Variants in OSBPL10 observed in about 807,000 individuals in gnomAD.
OSBPL10 encodes oxysterol binding protein like 10.
OSBPL10 carries 49 observed loss-of-function variants against 81.7 expected under a neutral mutation model. That is an observed-to-expected ratio of 0.60 (90% confidence interval 0.48 to 0.76). The LOEUF (loss-of-function observed/expected upper bound fraction) is 0.76, where lower values mean the gene tolerates loss of function less well. Ranked by LOEUF, OSBPL10 falls within the 30% of genes least tolerant of loss-of-function variation. The probability of loss-of-function intolerance (pLI) is 0.00; values close to 1 mark genes in which losing one functional copy is unlikely to be tolerated. For synonymous variants in OSBPL10, 419 were observed against 383.6 expected (o/e 1.09, Z -1.08); for missense variants, 923 against 987.8 (o/e 0.93, Z 0.88).
At position 31,879,933 on chromosome 3, in the gene OSBPL10, C is replaced by T. The variant is rs1695509776; in HGVS notation, c.282-103G>A. The T allele has an allele frequency of 2.1e-5, 26 of 1,242,268 alleles. No individual in the cohort carries two copies. In the South Asian group the frequency reaches 4.0e-4, roughly 19 times the overall value. The allele number at this position is 1,242,268 out of a possible 1,614,324, so 77.0% of individuals were successfully genotyped here. A position where few individuals can be genotyped will look rare whatever the true frequency, so the allele number is the denominator to read the frequency against. ...TCCAGAAGTCAACATCAAGACTCCA[C>T]ATCCATGAAGCTGGAAACCAAAAGT... On this transcript the variant is annotated intron_variant, in intron 1 of 11. Coordinates refer to ENST00000396556, the MANE Select transcript of OSBPL10 (RefSeq NM_017784.5).
chr3:31,792,572 G>A (rs1482127167), intron 4 of OSBPL10, among the ~76,000 whole-genome samples: 1 of 152,144 alleles, frequency 6.6e-6, no homozygotes, highest in Non-Finnish European at 1.5e-5. Context: ...CAGTTATCCA[G>A]ACACACTGGG....
At chr3:31,903,994 A>C (rs1168864412) in intron 1 of OSBPL10, among the ~76,000 whole-genome samples, 1 of 152,134 alleles carries the variant, frequency 6.6e-6, no homozygotes, top group Non-Finnish European at 1.5e-5. Context: ...GGCAGCTAAA[A>C]CCTAGGAGAG....
chr3:31,869,207 CAG>C (rs1285596819), intron 3 of OSBPL10, among the ~76,000 whole-genome samples: 1 of 150,794 alleles, frequency 6.6e-6, no homozygotes, highest in Non-Finnish European at 1.5e-5. Flanking sequence ...GATGAGGAGA[CAG>C]AGGTTCAGAA....
At chr3:31,889,207 G>A (rs959549734) in intron 1 of OSBPL10, among the ~76,000 whole-genome samples, 2 of 152,154 alleles carry the variant, frequency 1.3e-5, no homozygotes, top group Non-Finnish European at 2.9e-5. Flanking sequence ...TGGTGGGAAC[G>A]TAAACCAGTA....
chr3:31,748,616 C>A (rs1697611457), intron 4 of OSBPL10, among the ~76,000 whole-genome samples: 1 of 128,056 alleles, frequency 7.8e-6, no homozygotes, highest in Non-Finnish European at 1.6e-5. Context: ...ACAAAGAAAC[C>A]AATGCTGAGC....
intron 4 of OSBPL10, among the ~76,000 whole-genome samples, chr3:31,786,049 A>G (rs773060560): frequency 6.6e-6 from 1 of 152,228 alleles, no homozygotes; most frequent in African/African-American, 2.4e-5. Context: ...AAGCCTGGGC[A>G]GAACCAGACA....
intron 8 of OSBPL10, among the ~76,000 whole-genome samples, chr3:31,676,406 A>C (rs1004500994): frequency 1.3e-5 from 2 of 152,192 alleles, no homozygotes; most frequent in African/African-American, 4.8e-5. Context: ...AAAAAAAAAA[A>C]AAACATCAAA....
chr3:31,843,904 C>G (rs915138314), intron 3 of OSBPL10, among the ~76,000 whole-genome samples: 1 of 152,194 alleles, frequency 6.6e-6, no homozygotes, highest in African/African-American at 2.4e-5. Flanking sequence ...AGTTCTAAAT[C>G]AAACACAGGC....
chr3:31,806,838 C>T (rs1699533635), intron 4 of OSBPL10, among the ~76,000 whole-genome samples: 1 of 152,112 alleles, frequency 6.6e-6, no homozygotes, highest in Admixed American at 6.5e-5. Flanking sequence ...ACGGTGAGTG[C>T]AATGGCCTTC....
intron 7 of OSBPL10, 116 bp from the exon 8 acceptor site, chr3:31,684,230 G>C: frequency 7.2e-7 from 1 of 1,394,036 alleles, no homozygotes; most frequent in Non-Finnish European, 9.7e-7. Context: ...CAGCCAGGGA[G>C]CAGTCTGTTT....
At chr3:31,760,981 T>C (rs1698019314) in intron 4 of OSBPL10, among the ~76,000 whole-genome samples, 1 of 152,216 alleles carries the variant, frequency 6.6e-6, no homozygotes, top group African/African-American at 2.4e-5. Context: ...AGTTTTTTTT[T>C]TTTATAAATA....
At chr3:31,786,545 TGACA>T (rs1271182375) in intron 4 of OSBPL10, among the ~76,000 whole-genome samples, 1 of 152,116 alleles carries the variant, frequency 6.6e-6, no homozygotes, top group Non-Finnish European at 1.5e-5. Context: ...TGTCCTCACA[TGACA>T]GACAGAAGGG....
intron 1 of OSBPL10, among the ~76,000 whole-genome samples, chr3:31,922,198 A>G (rs566242092): frequency 6.6e-6 from 1 of 152,384 alleles, no homozygotes; most frequent in South Asian, 2.1e-4. Flanking sequence ...TATACACTTC[A>G]GTTAATAATG....
chr3:31,819,748 T>C (rs1184168524), intron 4 of OSBPL10, among the ~76,000 whole-genome samples: 1 of 152,252 alleles, frequency 6.6e-6, no homozygotes, highest in African/African-American at 2.4e-5. Context: ...TTTTTTGCTG[T>C]ATCAACTTGG....
intron 2 of OSBPL10, among the ~76,000 whole-genome samples, chr3:32,011,109 G>A (rs1044852284): frequency 5.3e-5 from 8 of 152,200 alleles, no homozygotes; most frequent in Admixed American, 2.0e-4. Context: ...CTCCCAGCAC[G>A]CAGCTTGAGA....
chr3:31,977,978 G>A (rs947053024), intron 1 of OSBPL10, among the ~76,000 whole-genome samples: 3 of 152,056 alleles, frequency 2.0e-5, no homozygotes, highest in Non-Finnish European at 4.4e-5. Context: ...TCTTTATGTC[G>A]TTTATTTTGT....
intron 1 of OSBPL10, among the ~76,000 whole-genome samples, chr3:32,068,071 G>A (rs1699793362): frequency 6.6e-6 from 1 of 152,144 alleles, no homozygotes. Flanking sequence ...TTTCAAATCA[G>A]GTAAGCGGTC....
rs180983683 is a variant in OSBPL10, at chr3:32,049,956, C to T, written n.186-3353G>A. ...TCCCTTTCCTCTCTTTCTATGAAAA[C>T]TTGTTATAGGAATGGTAAAAATCAC... is the stretch of plus-strand genomic sequence containing the variant. On this transcript the variant is annotated intron_variant and non_coding_transcript_variant, in intron 1 of 3. Coordinates refer to the OSBPL10 transcript ENST00000479173. Among the ~76,000 whole-genome samples, 397 of 152,210 alleles carry T rather than the reference C, an allele frequency of 2.6e-3. 2 individuals carry two copies. The highest frequency in any genetic ancestry group is 9.1e-3 in the African/African-American group (377 of 41,528).
chr3:32,069,507 C>T (rs1699809502), intron 1 of OSBPL10, among the ~76,000 whole-genome samples: 1 of 152,182 alleles, frequency 6.6e-6, no homozygotes, highest in African/African-American at 2.4e-5. Context: ...AAGACGAAAA[C>T]CCAGCCCAGT....
Sources: allele counts gnomAD v4.1 joint callset (sites outside exome capture counted in the v4.1 genomes callset), GRCh38; gene constraint gnomAD v4.1.1; transcripts MANE v1.5; gene names NCBI Gene and HGNC (gene_info 2026-07-23, HGNC 2026-07-21).